TOMM40: variants seen among roughly 807,000 people sequenced by gnomAD.
TOMM40 encodes mitochondrial import receptor subunit TOM40 homolog.
In TOMM40, 9 loss-of-function variants were observed where a neutral mutation model predicts 38.4. The observed-to-expected ratio is 0.23, with a 90% confidence interval of 0.14 to 0.41. The LOEUF (loss-of-function observed/expected upper bound fraction) is 0.41, where lower values mean the gene tolerates loss of function less well. Among genes scored for constraint, TOMM40 ranks in the 10% least tolerant of loss-of-function variants. The pLI is 1.00. For missense variants in TOMM40, 299 were observed against 486.5 expected (o/e 0.61, Z 3.63); for synonymous variants, 184 against 210.0 (o/e 0.88, Z 1.07).
intron 3 of TOMM40, among the ~76,000 whole-genome samples, chr19:44,893,310 G>A (rs1230107622): frequency 1.3e-5 from 2 of 152,138 alleles, no homozygotes; most frequent in African/African-American, 4.8e-5. Flanking sequence ...GGAAAGACGT[G>A]GTCCACAGGT....
chr19:44,892,430 A>G lies in TOMM40; in HGVS notation c.312A>G (p.Thr104=). The G allele has an allele frequency of 6.2e-7, 1 of 1,613,262 alleles. No homozygotes were observed. Among genetic ancestry groups the G allele is most frequent in the Non-Finnish European group, 8.5e-7 (1 of 1,180,026 alleles). ...TTCAGATGGAGGGTGTCAAGCTCAC[A>G]GTCAACAAAGGGTTGAGTAACCATT... is the stretch of plus-strand genomic sequence containing the variant. The part of the protein sequence containing the change: ...FPIQMEGVKL[T]VNKGLSNHFQ... Residue 104 remains threonine, a synonymous_variant, in exon 2 of 9, where the codon ACA becomes ACG. Transcript: ENST00000426677.
chr19:44,892,299 T>G (rs930361972), intron 1 of TOMM40, 94 bp from the exon 2 acceptor site: 28 of 1,198,136 alleles, frequency 2.3e-5, no homozygotes, highest in Non-Finnish European at 3.2e-5. Flanking sequence ...TGTTCTGCTG[T>G]GGGTCTCTGG....
At position 44,903,172 on chromosome 19, in the gene TOMM40, C is replaced by A; in HGVS notation, c.*3C>A. ...GCTTTGGCCTCACCATCGGCTGAGC[C>A]CTCCTGGCCCCCGCCTTCCACGCCC... On this transcript the variant is annotated 3_prime_UTR_variant, in exon 9 of 9. Transcript: ENST00000426677. 6.2e-7 allele frequency: 1 copy of A among 1,606,014 alleles called. No homozygotes were observed. Among genetic ancestry groups the A allele is most frequent in the South Asian group, 1.1e-5 (1 of 90,168 alleles).
chr19:44,901,220 G>A lies in TOMM40; in HGVS notation c.856G>A (p.Val286Met), dbSNP rs936056054. ...HKASDQLQVG[V>M]EFEASTRMQD... Reference sequence around the variant, plus strand: ...CCGGCCCCTCCAGCTGCAGGTGGGTGTGGAGTTTGAGGCCAGCACAAGGAT... The same window carrying A: ...CCGGCCCCTCCAGCTGCAGGTGGGTATGGAGTTTGAGGCCAGCACAAGGAT... The change falls in exon 8 of 9, where the codon GTG (valine) becomes ATG (methionine). Residue 286 changes from valine to methionine, a missense_variant. Val to Met is a conservative substitution (Grantham distance 21, BLOSUM62 1). Coordinates refer to ENST00000426677, the MANE Select transcript of TOMM40 (RefSeq NM_001128917.2). 1 of 1,614,152 alleles carries A rather than the reference G, an allele frequency of 6.2e-7. No individual in the cohort carries two copies. The highest frequency in any genetic ancestry group is 8.5e-7 in the Non-Finnish European group (1 of 1,180,018).
intron 5 of TOMM40, among the ~76,000 whole-genome samples, chr19:44,897,228 G>A (rs1328772327): frequency 1.4e-5 from 2 of 143,332 alleles, no homozygotes; most frequent in Non-Finnish European, 3.1e-5. Flanking sequence ...TAGAGAAACT[G>A]GGGGGGTGGC....
In TOMM40 at chr19:44,892,447, G is replaced by C. The variant is rs1435337619; in HGVS notation, c.329G>C (p.Ser110Thr). The C allele has an allele frequency of 1.2e-6, 2 of 1,612,820 alleles. No individual in the cohort carries two copies. Among genetic ancestry groups the C allele is most frequent in the Non-Finnish European group, 1.7e-6 (2 of 1,179,996 alleles). Residue 110 changes from serine to threonine, a missense_variant, in exon 2 of 9, where the codon AGT becomes ACT. By Grantham distance (58) the Ser-to-Thr change is moderately conservative (BLOSUM62 1). Transcript: ENST00000426677. ...AAGCTCACAGTCAACAAAGGGTTGA[G>C]TAACCATTTTCAGGTGAGCCTTCCT... is the stretch of plus-strand genomic sequence containing the variant. Reference protein sequence around the residue: ...GVKLTVNKGLSNHFQVNHTVA... With the variant: ...GVKLTVNKGLTNHFQVNHTVA...
rs369115420 is a variant in TOMM40 at position 44,899,039 on chromosome 19, A to G, written c.644-1691A>G. Among the ~76,000 whole-genome samples, 461 of 148,054 alleles carry G rather than the reference A, an allele frequency of 3.1e-3. 4 individuals are homozygous for G. The highest frequency in any genetic ancestry group is 0.011 in the African/African-American group (452 of 40,418). On this transcript the variant is annotated intron_variant, in intron 5 of 8. Transcript: ENST00000426677. ...CCCAGCTACTCGGAGAGGCTGAGGC[A>G]GGAGAATGGCGTGAACCCGGGAGGT...
rs1027957878 is a variant in TOMM40, at chr19:44,903,271, C to A, written c.*102C>A. 7.1e-6 allele frequency: 9 copies of A among 1,264,024 alleles called. No individual in the cohort carries two copies. The Admixed American group carries it at 1.5e-4, about 21-fold the overall frequency. 78.3% of individuals were successfully genotyped at this position (1,264,024 alleles called of 1,614,324 possible). A position where few individuals can be genotyped will look rare whatever the true frequency, so the allele number is the denominator to read the frequency against. On this transcript the variant is annotated 3_prime_UTR_variant, in exon 9 of 9. Transcript: ENST00000426677. Reference sequence around the variant, plus strand: ...CTGAGCCCCCCTCCCTTCCCTCCCCCCTTGGGGGTCGGGGGGGACATTGGA... The same window carrying A: ...CTGAGCCCCCCTCCCTTCCCTCCCCACTTGGGGGTCGGGGGGGACATTGGA...
chr19:44,893,077 A>G, intron 3 of TOMM40, 148 bp downstream of exon 3: 1 of 652,016 alleles, frequency 1.5e-6, no homozygotes, highest in Non-Finnish European at 2.7e-6. Flanking sequence ...GCACTGGGAC[A>G]CAAATAATTC....
In TOMM40 at chr19:44,891,301, A is replaced by T. The variant is rs1312663118; in HGVS notation, c.-115A>T. On this transcript the variant is annotated 5_prime_UTR_variant, in exon 1 of 9. Transcript: ENST00000426677. Reference sequence around the variant, plus strand: ...TGGGAGCGGAGCCCAGGCCGGGAGCAGGCGCCGCCGCCAGTGAGAACCGGG... The same window carrying T: ...TGGGAGCGGAGCCCAGGCCGGGAGCTGGCGCCGCCGCCAGTGAGAACCGGG... The T allele has an allele frequency of 2.5e-6, 3 of 1,194,928 alleles. No individual in the cohort carries two copies. Among genetic ancestry groups the T allele is most frequent in the African/African-American group, 1.6e-5 (1 of 62,914 alleles). 74.0% of individuals were successfully genotyped at this position (1,194,928 alleles called of 1,614,324 possible).
At chr19:44,899,448 G>A (rs1159027529) in intron 5 of TOMM40, among the ~76,000 whole-genome samples, 2 of 151,714 alleles carry the variant, frequency 1.3e-5, no homozygotes, top group East Asian at 1.9e-4. Flanking sequence ...ATCCTCCCAC[G>A]TCCACCCCCT....
intron 5 of TOMM40, among the ~76,000 whole-genome samples, chr19:44,898,525 C>CTTTTTTTTTTTTTTTTTTT (rs71173106): frequency 1.1e-5 from 1 of 88,990 alleles, no homozygotes; most frequent in African/African-American, 4.4e-5. Context: ...TTTTTTTTTT[C>CTTTTTTTTTTTTTTTTTTT]TTTTTTTTTT....
chr19:44,896,197 T>A (rs1338858437), intron 5 of TOMM40, among the ~76,000 whole-genome samples: 2 of 151,974 alleles, frequency 1.3e-5, no homozygotes, highest in African/African-American at 4.8e-5. Context: ...TCTAGTCCTT[T>A]CCAGTGCCTC....
At position 44,903,347 on chromosome 19, in the gene TOMM40, A is replaced by C; in HGVS notation, c.*178A>C. The C allele has an allele frequency of 1.6e-6, 1 of 642,522 alleles. No homozygotes were observed. Among genetic ancestry groups the C allele is most frequent in the Non-Finnish European group, 2.5e-6 (1 of 396,264 alleles). 39.8% of individuals were successfully genotyped at this position (642,522 alleles called of 1,614,324 possible). ...GCTGAGGAGGGGATTCTGGAACTGA[A>C]TGGCGCTTCGGGATTCTGAGTAGCA... On this transcript the variant is annotated 3_prime_UTR_variant, in exon 9 of 9. Coordinates refer to ENST00000426677, the MANE Select transcript of TOMM40 (RefSeq NM_001128917.2).
At position 44,893,439 on chromosome 19, in the gene TOMM40, G is replaced by GTC. The variant is rs1436614566; in HGVS notation, c.436-340_436-339dup. 5.9e-5 allele frequency among the ~76,000 whole-genome samples: 9 copies of GTC among 152,344 alleles called. No individual in the cohort carries two copies. The East Asian group carries it at 9.6e-4, about 16-fold the overall frequency. On this transcript the variant is annotated intron_variant, in intron 3 of 8. Transcript: ENST00000426677. ...GGGACTGAATGAGGTCTCTGCTTCT[G>GTC]TCATTTCCCTTCAGCAAATGTGTTT...
Position 44,894,080 on chromosome 19 carries a change from G to A in TOMM40, c.643+14G>A. 6.7e-7 allele frequency: 1 copy of A among 1,486,940 alleles called. No individual in the cohort carries two copies. Among genetic ancestry groups the A allele is most frequent in the Non-Finnish European group, 9.0e-7 (1 of 1,116,192 alleles). 92.1% of individuals were successfully genotyped at this position (1,486,940 alleles called of 1,614,324 possible). On this transcript the variant is annotated intron_variant, in intron 5 of 8. Transcript: ENST00000426677. ...TCGTGGGTTCAGGTAAGAGGCGGAG[G>A]GCTTGGAGGGTGGTCACAAAACTGC...
chr19:44,891,812 T>C (rs2122737249), intron 1 of TOMM40, 123 bp downstream of exon 1: 1 of 1,085,812 alleles, frequency 9.2e-7, no homozygotes, highest in East Asian at 3.2e-5. Flanking sequence ...TAGGAGGTGA[T>C]GTTGGGATCG....
intron 5 of TOMM40, among the ~76,000 whole-genome samples, chr19:44,900,055 A>G (rs1236043988): frequency 6.6e-6 from 1 of 152,104 alleles, no homozygotes; most frequent in Non-Finnish European, 1.5e-5. Context: ...GAAAGACACC[A>G]AAGTGAATCC....
At chr19:44,895,228 G>A (rs1319866481) in intron 5 of TOMM40, among the ~76,000 whole-genome samples, 1 of 152,080 alleles carries the variant, frequency 6.6e-6, no homozygotes, top group African/African-American at 2.4e-5. Flanking sequence ...CGCTGCAGGA[G>A]CCCAGGGAGA....
Sources: gnomAD v4.1 joint callset for allele counts (sites outside exome capture counted in the v4.1 genomes callset) on GRCh38, gnomAD v4.1.1 for gene constraint, MANE v1.5 for transcripts, NCBI Gene and HGNC (gene_info 2026-07-23, HGNC 2026-07-21) for gene names.